CCDC178: variants seen among roughly 807,000 people sequenced by gnomAD.
The protein encoded by CCDC178 is coiled-coil domain-containing protein 178.
In CCDC178, 126 loss-of-function variants were observed where a neutral mutation model predicts 117.4. That is an observed-to-expected ratio of 1.07 (90% CI 0.93 to 1.24). The LOEUF is 1.24. Among genes scored for constraint, CCDC178 ranks in the 50% most tolerant of loss-of-function variants. The pLI is 0.00. For missense variants in CCDC178, 1,030 were observed against 986.9 expected (o/e 1.04, Z -0.59); for synonymous variants, 283 against 313.4 (o/e 0.90, Z 1.02).
chr18:33,320,583 A>C (rs1305352868), intron 11 of CCDC178, among the ~76,000 whole-genome samples: 1 of 152,194 alleles, frequency 6.6e-6, no homozygotes, highest in Non-Finnish European at 1.5e-5. Flanking sequence ...CTGCTCAATG[A>C]AATAAAAGAG....
intron 19 of CCDC178, among the ~76,000 whole-genome samples, chr18:33,215,225 T>C (rs936351232): frequency 3.3e-5 from 5 of 151,978 alleles, no homozygotes; most frequent in Non-Finnish European, 7.4e-5. Flanking sequence ...ACATAAATTA[T>C]TAAACATGGA....
intron 20 of CCDC178, among the ~76,000 whole-genome samples, chr18:33,152,862 T>C (rs1183335186): frequency 6.6e-6 from 1 of 151,906 alleles, no homozygotes; most frequent in East Asian, 1.9e-4. Context: ...TGCTAGGAAG[T>C]GGCAAAGAGA....
chr18:33,334,707 A>T (rs1267694051), intron 9 of CCDC178, among the ~76,000 whole-genome samples: 2 of 152,038 alleles, frequency 1.3e-5, no homozygotes, highest in Non-Finnish European at 2.9e-5. Context: ...ATAGCTTCTT[A>T]TATAAGCTGT....
intron 22 of CCDC178, among the ~76,000 whole-genome samples, chr18:32,945,842 T>C (rs527739648): frequency 3.3e-5 from 5 of 152,280 alleles, no homozygotes; most frequent in Non-Finnish European, 5.9e-5. Flanking sequence ...TTTTTAATGT[T>C]GAGAGCAAAA....
At chr18:33,177,857 T>G (rs924181037) in intron 20 of CCDC178, among the ~76,000 whole-genome samples, 1 of 152,170 alleles carries the variant, frequency 6.6e-6, no homozygotes, top group African/African-American at 2.4e-5. Context: ...ACCATTTTTT[T>G]ACTTTGCCTG....
At chr18:33,314,877 C>G (rs2062395404) in intron 11 of CCDC178, among the ~76,000 whole-genome samples, 1 of 152,176 alleles carries the variant, frequency 6.6e-6, no homozygotes, top group Non-Finnish European at 1.5e-5. Flanking sequence ...GTCCCACTAA[C>G]CAAGCTGAAT....
At chr18:33,109,606 T>A (rs1000704319) in intron 20 of CCDC178, among the ~76,000 whole-genome samples, 1 of 151,484 alleles carries the variant, frequency 6.6e-6, no homozygotes, top group Non-Finnish European at 1.5e-5. Flanking sequence ...ATAGAAAAAA[T>A]ATCATCACCC....
At chr18:33,355,552 C>G (rs1320491343) in intron 7 of CCDC178, among the ~76,000 whole-genome samples, 1 of 152,182 alleles carries the variant, frequency 6.6e-6, no homozygotes, top group African/African-American at 2.4e-5. Context: ...AGGATCTTCT[C>G]AAGTCTTTTT....
At chr18:33,425,300 T>C (rs1385284640) in intron 2 of CCDC178, among the ~76,000 whole-genome samples, 1 of 152,008 alleles carries the variant, frequency 6.6e-6, no homozygotes, top group Non-Finnish European at 1.5e-5. Context: ...AAAACAAAAA[T>C]TTTAAAAAAA....
At chr18:33,012,269 A>T (rs991728209) in intron 21 of CCDC178, among the ~76,000 whole-genome samples, 1 of 152,182 alleles carries the variant, frequency 6.6e-6, no homozygotes, top group Non-Finnish European at 1.5e-5. Flanking sequence ...GCATTGAAGA[A>T]GTGATCTGAA....
At chr18:33,110,859 C>T (rs1027725998) in intron 20 of CCDC178, among the ~76,000 whole-genome samples, 9 of 151,548 alleles carry the variant, frequency 5.9e-5, no homozygotes, top group Non-Finnish European at 1.0e-4. Flanking sequence ...TCAACTTTGT[C>T]CATCTTCAAG....
chr18:33,265,879 C>T (rs1381911003), intron 14 of CCDC178, among the ~76,000 whole-genome samples: 1 of 151,894 alleles, frequency 6.6e-6, no homozygotes, highest in African/African-American at 2.4e-5. Context: ...ATAGCTTGTA[C>T]TAGATTGTTG....
At chr18:33,195,088 G>C (rs2058913108) in intron 20 of CCDC178, among the ~76,000 whole-genome samples, 1 of 144,786 alleles carries the variant, frequency 6.9e-6, no homozygotes, top group South Asian at 2.2e-4. Context: ...CTGTACTCCA[G>C]CCTGAATGAT....
chr18:33,312,377 C>G (rs928894095), intron 11 of CCDC178, among the ~76,000 whole-genome samples: 3 of 152,142 alleles, frequency 2.0e-5, no homozygotes, highest in Non-Finnish European at 2.9e-5. Context: ...TTGGAGAAAC[C>G]TTAACAAGGG....
chr18:33,205,684 G>A (rs967434834), intron 20 of CCDC178, among the ~76,000 whole-genome samples: 4 of 152,116 alleles, frequency 2.6e-5, no homozygotes, highest in Non-Finnish European at 5.9e-5. Context: ...GCAAAAGTTG[G>A]AGACCTCATA....
intron 3 of CCDC178, among the ~76,000 whole-genome samples, chr18:33,407,319 A>C (rs2063794967): frequency 6.6e-6 from 1 of 152,176 alleles, no homozygotes; most frequent in Non-Finnish European, 1.5e-5. Context: ...AGCTTGACAT[A>C]ACTATATTAA....
chr18:33,072,000 AC>A (rs1473673875), intron 21 of CCDC178, among the ~76,000 whole-genome samples: 1 of 152,108 alleles, frequency 6.6e-6, no homozygotes, highest in Non-Finnish European at 1.5e-5. Context: ...ATGTGATGCT[AC>A]TGTGAATACT....
intron 6 of CCDC178, among the ~76,000 whole-genome samples, chr18:33,362,910 G>A (rs1036370408): frequency 3.3e-5 from 5 of 151,162 alleles, no homozygotes; most frequent in African/African-American, 4.9e-5. Context: ...AATTTTATGC[G>A]ATGTGAATTG....
At chr18:33,306,040 AC>A (rs2062243544) in intron 11 of CCDC178, among the ~76,000 whole-genome samples, 1 of 152,154 alleles carries the variant, frequency 6.6e-6, no homozygotes, top group African/African-American at 2.4e-5. Flanking sequence ...TACAGAATTA[AC>A]TAGAGTCTTC....
Sources: allele counts gnomAD v4.1 joint callset (sites outside exome capture counted in the v4.1 genomes callset), GRCh38; gene constraint gnomAD v4.1.1; transcripts MANE v1.5; gene names NCBI Gene and HGNC (gene_info 2026-07-23, HGNC 2026-07-21).